Variants in PCDHGA7 observed in about 807,000 individuals in gnomAD.
PCDHGA7 encodes the protein protocadherin gamma-A7.
PCDHGA7 carries 44 observed loss-of-function variants against 58.3 expected under a neutral mutation model. The ratio of observed to expected loss-of-function variants is 0.75; its 90% CI spans 0.59 to 0.97. The LOEUF (loss-of-function observed/expected upper bound fraction) is 0.97, where lower values mean the gene tolerates loss of function less well. PCDHGA7 is among the 50% of genes least tolerant of loss of function. The pLI, the probability that PCDHGA7 is intolerant of heterozygous loss-of-function variation, is 0.00. For missense variants in PCDHGA7, 1,266 were observed against 1,188.7 expected, an observed-to-expected ratio of 1.06 and a Z score of -0.96; for synonymous variants, 516 against 504.2, an observed-to-expected ratio of 1.02 and a Z score of -0.31.
intron 1 of PCDHGA7, among the ~76,000 whole-genome samples, chr5:141,472,178 A>G (rs1337942457): frequency 6.6e-6 from 1 of 152,210 alleles, no homozygotes; most frequent in African/African-American, 2.4e-5. Flanking sequence ...AATATCCAGT[A>G]TTGGAATTTG....
chr5:141,473,374 G>A (rs1437989884), intron 1 of PCDHGA7, among the ~76,000 whole-genome samples: 1 of 152,204 alleles, frequency 6.6e-6, no homozygotes, highest in African/African-American at 2.4e-5. Context: ...AAATAGCATG[G>A]TCCCTGCCCT....
chr5:141,499,404 T>G (rs1468724077), intron 2 of PCDHGA7, among the ~76,000 whole-genome samples: 3 of 152,178 alleles, frequency 2.0e-5, no homozygotes, highest in African/African-American at 7.2e-5. Context: ...ACATGCTCAT[T>G]ATAGAAACAT....
At chr5:141,445,249 G>A (rs1337658576) in intron 1 of PCDHGA7, among the ~76,000 whole-genome samples, 2 of 152,170 alleles carry the variant, frequency 1.3e-5, no homozygotes, top group South Asian at 4.1e-4. Flanking sequence ...ACTATATTGT[G>A]TGAGAATATA....
intron 1 of PCDHGA7, among the ~76,000 whole-genome samples, chr5:141,439,251 A>G (rs1467023466): frequency 6.6e-6 from 1 of 152,112 alleles, no homozygotes; most frequent in Non-Finnish European, 1.5e-5. Context: ...ATTTCAGCTG[A>G]AGATTCAGCC....
Position 141,409,574 on chromosome 5 carries a change from G to C in PCDHGA7, c.2424+24251G>C, listed in dbSNP as rs752388742. ...CCCAGTTTTCGACCAGACGTCCTACGTGGTCCACGTGGCCGAGAACAACCC... is the reference window on the plus strand; with the variant it reads ...CCCAGTTTTCGACCAGACGTCCTACCTGGTCCACGTGGCCGAGAACAACCC... On this transcript the variant is annotated intron_variant, in intron 1 of 3. Coordinates refer to ENST00000518325, the MANE Select transcript of PCDHGA7 (RefSeq NM_018920.4). 32 of 1,613,902 alleles carry C rather than the reference G, an allele frequency of 2.0e-5. No individual in the cohort carries two copies. In the East Asian group the frequency reaches 6.9e-4, roughly 35 times the overall value.
In PCDHGA7 at chr5:141,485,985, T is replaced by C. The variant is rs748867624; in HGVS notation, c.2425-8822T>C. 5.6e-6 allele frequency: 9 copies of C among 1,614,086 alleles called. No homozygotes were observed. Among genetic ancestry groups the C allele is most frequent in the South Asian group, 5.5e-5 (5 of 91,094 alleles). On this transcript the variant is annotated intron_variant, in intron 1 of 3. Coordinates refer to ENST00000518325, the MANE Select transcript of PCDHGA7 (RefSeq NM_018920.4). The surrounding 1 kb of genome is among the most constrained non-coding windows in gnomAD (Gnocchi z 5.7). ...CAGCTCAATGCCTCAGACCCGGACC[T>C]GGGTCCCAGTGGTAACGTCACCTTT...
At chr5:141,419,253 A>G in intron 1 of PCDHGA7, 4 of 1,613,990 alleles carry the variant, frequency 2.5e-6, no homozygotes, top group South Asian at 1.1e-5. Flanking sequence ...CCAGAAAACA[A>G]CCAGCCGGGT....
chr5:141,394,929 G>C, intron 1 of PCDHGA7: 4 of 1,613,762 alleles, frequency 2.5e-6, no homozygotes, highest in Non-Finnish European at 3.4e-6. Flanking sequence ...TGTCTTCCTC[G>C]CCTTTGTCGC....
chr5:141,412,906 TG>T (rs2095588206), intron 1 of PCDHGA7: 2 of 384,208 alleles, frequency 5.2e-6, no homozygotes, highest in Admixed American at 8.2e-5. Context: ...TTCCATTGCA[TG>T]TATCACTTGG....
At chr5:141,408,097 C>T (rs2095040197) in intron 1 of PCDHGA7, 5 of 1,434,516 alleles carry the variant, frequency 3.5e-6, no homozygotes, top group Non-Finnish European at 3.7e-6. Context: ...TTGCCAGCTC[C>T]GAGACCCGGG....
In PCDHGA7 at chr5:141,502,866, C is replaced by CT. The variant is rs549047197; in HGVS notation, c.2484-2513dup. ...GAGCTGCCTAACCCTGACTCTCTGT[C>CT]TTTTTTTTTTTTTTGACAGGGAGTC... On this transcript the variant is annotated intron_variant, in intron 2 of 3. Transcript: ENST00000518325. Among the ~76,000 whole-genome samples, 1,216 of 127,988 alleles carry CT rather than the reference C, an allele frequency of 9.5e-3. 34 individuals are homozygous for CT. Among genetic ancestry groups the CT allele is most frequent in the Non-Finnish European group, 0.015 (955 of 62,394 alleles). The allele number at this position is 127,988 out of a possible 152,430, so 84.0% of individuals were successfully genotyped here.
chr5:141,404,965 C>A, intron 1 of PCDHGA7: 1 of 1,614,030 alleles, frequency 6.2e-7, no homozygotes, highest in Non-Finnish European at 8.5e-7. Context: ...TCCCAGACAT[C>A]CTGGCTGACC....
chr5:141,410,158 G>A (rs755466762), intron 1 of PCDHGA7: 1 of 1,613,398 alleles, frequency 6.2e-7, no homozygotes, highest in Admixed American at 1.7e-5. Flanking sequence ...GTGGACAGCC[G>A]CCACTCTCTG....
chr5:141,509,595 C>T (rs968797923), intron 3 of PCDHGA7, among the ~76,000 whole-genome samples: 36 of 152,168 alleles, frequency 2.4e-4, no homozygotes, highest in African/African-American at 6.8e-4. Context: ...CTGGCAATTC[C>T]GAGAGGCTGC....
intron 2 of PCDHGA7, among the ~76,000 whole-genome samples, chr5:141,495,644 A>G (rs767670166): frequency 5.3e-5 from 8 of 151,770 alleles, no homozygotes; most frequent in Non-Finnish European, 1.0e-4. Context: ...TCATTTGTCT[A>G]CTTGCATTGA....
At position 141,384,891 on chromosome 5, in the gene PCDHGA7, G is replaced by A; in HGVS notation, c.1992G>A (p.Val664=). Residue 664 remains valine, a synonymous_variant, in exon 1 of 4, where the codon GTG becomes GTA. Transcript: ENST00000518325. ...CCACCGTCACACTCACCGTGGCTGT[G>A]GCTGACAGCATCCCCGAAGTCTTGG... is the stretch of plus-strand genomic sequence containing the variant. ...LSATVTLTVA[V]ADSIPEVLAD... The A allele has an allele frequency of 6.2e-7, 1 of 1,613,876 alleles. No homozygotes were observed. Among genetic ancestry groups the A allele is most frequent in the Non-Finnish European group, 8.5e-7 (1 of 1,180,000 alleles).
At position 141,393,513 on chromosome 5, in the gene PCDHGA7, G is replaced by A. The variant is rs376672994; in HGVS notation, c.2424+8190G>A. The A allele has an allele frequency of 6.6e-5, 107 of 1,614,000 alleles. 1 individual carries two copies. In the Middle Eastern group the frequency reaches 1.3e-3, roughly 20 times the overall value. ...AGTGCGCATCCACGTGACAGTGTTG[G>A]ATACAAATGACAATGCCCCGGTTTT... On this transcript the variant is annotated intron_variant, in intron 1 of 3. Transcript: ENST00000518325.
chr5:141,469,370 A>T (rs1453825795), intron 1 of PCDHGA7, among the ~76,000 whole-genome samples: 1 of 152,106 alleles, frequency 6.6e-6, no homozygotes, highest in Non-Finnish European at 1.5e-5. Flanking sequence ...AGGTAAAGAG[A>T]TCGAGACCAT....
At chr5:141,459,885 C>A (rs1333668105) in intron 1 of PCDHGA7, among the ~76,000 whole-genome samples, 1 of 152,106 alleles carries the variant, frequency 6.6e-6, no homozygotes, top group East Asian at 1.9e-4. Flanking sequence ...CTGAGCTGAA[C>A]GCCTTCTTAA....
Sources: gnomAD v4.1 joint callset for allele counts (sites outside exome capture counted in the v4.1 genomes callset) on GRCh38, gnomAD v4.1.1 for gene constraint, Gnocchi (gnomAD v3.1) non-coding constraint, MANE v1.5 for transcripts, NCBI Gene and HGNC (gene_info 2026-07-23, HGNC 2026-07-21) for gene names.